The following ZDHHC18 variants were observed in gnomAD, a reference collection of about 807,000 sequenced individuals.
ZDHHC18 encodes the protein zDHHC palmitoyltransferase 18.
A neutral mutation model predicts 37.5 loss-of-function variants in ZDHHC18; 23 were observed. The ratio of observed to expected loss-of-function variants is 0.61; its 90% CI spans 0.44 to 0.87. ZDHHC18 has a LOEUF of 0.87. Among genes scored for constraint, ZDHHC18 ranks in the 40% least tolerant of loss-of-function variants. The pLI is 0.00. For missense variants in ZDHHC18, 406 were observed against 525.6 expected (o/e 0.77, Z 2.22); for synonymous variants, 185 against 218.7 (o/e 0.85, Z 1.36).
chr1:26,838,608 GTCA>G (rs1243673727), intron 2 of ZDHHC18, among the ~76,000 whole-genome samples: 3 of 152,212 alleles, frequency 2.0e-5, no homozygotes, highest in Admixed American at 6.5e-5. Context: ...CAAGGTTGAT[GTCA>G]TCATTACCCA....
chr1:26,850,710 A>C lies in ZDHHC18; in HGVS notation c.833+104A>C. 25 of 1,312,856 alleles carry C rather than the reference A, an allele frequency of 1.9e-5. No individual in the cohort carries two copies. Among genetic ancestry groups the C allele is most frequent in the South Asian group, 3.7e-5 (3 of 80,298 alleles). The allele number at this position is 1,312,856 out of a possible 1,614,324, so 81.3% of individuals were successfully genotyped here. A position where few individuals can be genotyped will look rare whatever the true frequency, so the allele number is the denominator to read the frequency against. On this transcript the variant is annotated intron_variant, in intron 5 of 7. Coordinates refer to ENST00000374142, the MANE Select transcript of ZDHHC18 (RefSeq NM_032283.3). The surrounding 1 kb of genome is among the most constrained non-coding windows in gnomAD (Gnocchi z 6.1). ...ATCAGAAGGGAACAGCGTACAGCTC[A>C]CATGTGTCCTCCAGAATCCAACATG...
chr1:26,850,664 G>T lies in ZDHHC18; in HGVS notation c.833+58G>T, dbSNP rs755558165. 1.9e-6 allele frequency: 3 copies of T among 1,595,330 alleles called. No homozygotes were observed. The African/African-American group carries it at 4.0e-5, about 21-fold the overall frequency. ...GGAACTGAGGTCCCTTCACTGGGTG[G>T]GTGCCCTGCCTCATCCTCTAATCAG... On this transcript the variant is annotated intron_variant, in intron 5 of 7. Transcript: ENST00000374142. This position sits in a 1 kb window ranked among gnomAD's most constrained non-coding sequence, Gnocchi z 6.1.
chr1:26,830,401 G>A (rs1054253711), intron 1 of ZDHHC18, among the ~76,000 whole-genome samples: 4 of 152,140 alleles, frequency 2.6e-5, no homozygotes, highest in Non-Finnish European at 5.9e-5. Flanking sequence ...AACTTCACAG[G>A]GTCCCAGTGA....
In ZDHHC18 at chr1:26,850,267, C is replaced by T; in HGVS notation, c.647-34C>T. ...ATGCCTGTGCTGGCTGCAGGCCAGC[C>T]CACACTAACCCATCGCCCCTTGCCC... On this transcript the variant is annotated intron_variant, in intron 3 of 7. Transcript: ENST00000374142. This position sits in a 1 kb window ranked among gnomAD's most constrained non-coding sequence, Gnocchi z 6.1. 6.2e-7 allele frequency: 1 copy of T among 1,609,174 alleles called. No homozygotes were observed. Among genetic ancestry groups the T allele is most frequent in the Non-Finnish European group, 8.5e-7 (1 of 1,177,858 alleles).
intron 2 of ZDHHC18, among the ~76,000 whole-genome samples, chr1:26,839,790 G>T (rs1344642571): frequency 6.6e-6 from 1 of 152,220 alleles, no homozygotes; most frequent in Non-Finnish European, 1.5e-5. Context: ...GCTGCCATCG[G>T]TAGTGGCTGC....
In ZDHHC18 at chr1:26,856,176, C is replaced by G; in HGVS notation, c.*2333C>G. On this transcript the variant is annotated 3_prime_UTR_variant, in exon 8 of 8. Transcript: ENST00000374142. The surrounding 1 kb of genome is among the most constrained non-coding windows in gnomAD (Gnocchi z 5.2). Reference sequence around the variant, plus strand: ...TAACACTGGCCCACCTCTCTGGTATCTCCCTCAGGAGGACACCTGTCAGGA... The same window carrying G: ...TAACACTGGCCCACCTCTCTGGTATGTCCCTCAGGAGGACACCTGTCAGGA... 2.2e-6 allele frequency: 1 copy of G among 453,772 alleles called. No homozygotes were observed. The highest frequency in any genetic ancestry group is 1.5e-5 in the South Asian group (1 of 64,522). 28.1% of individuals were successfully genotyped at this position (453,772 alleles called of 1,614,324 possible).
At chr1:26,841,555 T>C (rs1442925301) in intron 2 of ZDHHC18, among the ~76,000 whole-genome samples, 1 of 152,186 alleles carries the variant, frequency 6.6e-6, no homozygotes, top group African/African-American at 2.4e-5. Flanking sequence ...CTCCAAAGCC[T>C]ATGTCCAAGT....
chr1:26,851,250 AC>A lies in ZDHHC18; in HGVS notation c.936+23del, dbSNP rs1557645979. 2 of 1,611,668 alleles carry A rather than the reference AC, an allele frequency of 1.2e-6. No individual in the cohort carries two copies. The highest frequency in any genetic ancestry group is 1.7e-6 in the Non-Finnish European group (2 of 1,177,750). ...TGAAGACGTGAGTAAACCTGGAGCC[AC>A]CCCTCATTCTAGGGCAGCGCCCTCA... On this transcript the variant is annotated intron_variant, in intron 6 of 7. Coordinates refer to ENST00000374142, the MANE Select transcript of ZDHHC18 (RefSeq NM_032283.3).
At chr1:26,851,313 G>A in intron 6 of ZDHHC18, 82 bp downstream of exon 6, 2 of 1,334,106 alleles carry the variant, frequency 1.5e-6, no homozygotes, top group Non-Finnish European at 2.2e-6. Flanking sequence ...GGGCAGCCAA[G>A]CACAGTCCTG....
chr1:26,853,890 C>A lies in ZDHHC18; in HGVS notation c.*47C>A. 1.3e-6 allele frequency: 2 copies of A among 1,543,944 alleles called. No homozygotes were observed. Among genetic ancestry groups the A allele is most frequent in the Non-Finnish European group, 1.8e-6 (2 of 1,121,388 alleles). ...CTGCTGGCCTGTCTGACCCTCCGCA[C>A]TCACCTGCCGGGACCCTCCCTATTC... is the stretch of plus-strand genomic sequence containing the variant. On this transcript the variant is annotated 3_prime_UTR_variant, in exon 8 of 8. Transcript: ENST00000374142.
Position 26,852,817 on chromosome 1 carries a change from G to A in ZDHHC18, c.1001G>A (p.Ser334Asn), listed in dbSNP as rs1419598126. 1.2e-6 allele frequency: 2 copies of A among 1,614,000 alleles called. No individual in the cohort carries two copies. Among genetic ancestry groups the A allele is most frequent in the African/African-American group, 1.3e-5 (1 of 74,900 alleles). The change falls in exon 7 of 8, where the codon AGT becomes AAT. Residue 334 changes from serine (S) to asparagine (N), a missense_variant. Ser to Asn is a conservative substitution (Grantham distance 46). Coordinates refer to ENST00000374142, the MANE Select transcript of ZDHHC18 (RefSeq NM_032283.3). Reference protein sequence around the residue: ...EASVNPYSHKSIITNCCAVLC... With the variant: ...EASVNPYSHKNIITNCCAVLC... ...TCTGTCAACCCCTACAGCCATAAAA[G>A]TATTATCACCAACTGCTGTGCTGTG... is the stretch of plus-strand genomic sequence containing the variant.
In ZDHHC18 at chr1:26,829,297, C is replaced by G. The variant is rs2081573403; in HGVS notation, c.335+2158C>G. ...CTCCAGCAGGGCTCCCAACTTCTGC[C>G]TTACTTCTCGCCCCCACACAACAGC... On this transcript the variant is annotated intron_variant, in intron 1 of 7. Coordinates refer to ENST00000374142, the MANE Select transcript of ZDHHC18 (RefSeq NM_032283.3). Among the ~76,000 whole-genome samples, 3 of 152,124 alleles carry G rather than the reference C, an allele frequency of 2.0e-5. 1 individual carries two copies. In the South Asian group the frequency reaches 6.2e-4, roughly 31 times the overall value.
At chr1:26,833,638 G>T (rs1224712745) in intron 2 of ZDHHC18, among the ~76,000 whole-genome samples, 3 of 152,228 alleles carry the variant, frequency 2.0e-5, no homozygotes, top group Admixed American at 2.0e-4. Flanking sequence ...GGGGTGGCGG[G>T]GTACTGGGCC....
At chr1:26,848,559 C>A in intron 2 of ZDHHC18, 49 bp from the exon 3 acceptor site, 1 of 1,585,760 alleles carries the variant, frequency 6.3e-7, no homozygotes, top group Non-Finnish European at 8.6e-7. Context: ...GGGATCCGGG[C>A]CCTGGGCTGC....
At chr1:26,828,935 C>A (rs576593263) in intron 1 of ZDHHC18, among the ~76,000 whole-genome samples, 1 of 152,294 alleles carries the variant, frequency 6.6e-6, no homozygotes, top group African/African-American at 2.4e-5. Context: ...CCCACATGAC[C>A]CTGCAGTGTG....
intron 2 of ZDHHC18, among the ~76,000 whole-genome samples, chr1:26,838,984 C>T (rs1171446776): frequency 6.6e-6 from 1 of 152,262 alleles, no homozygotes; most frequent in African/African-American, 2.4e-5. Context: ...GCTGTTTCCT[C>T]TGCAGGTGAC....
chr1:26,832,273 A>G (rs937690337), intron 1 of ZDHHC18, among the ~76,000 whole-genome samples, 174 bp from the exon 2 acceptor site: 1 of 152,232 alleles, frequency 6.6e-6, no homozygotes, highest in Non-Finnish European at 1.5e-5. Context: ...TGTTCCCGGT[A>G]CTTATTGGGG....
At chr1:26,846,998 C>T (rs2081671919) in intron 2 of ZDHHC18, among the ~76,000 whole-genome samples, 3 of 151,626 alleles carry the variant, frequency 2.0e-5, no homozygotes, top group Admixed American at 6.6e-5. Flanking sequence ...CGGGTTCAAG[C>T]GATTCTCCTG....
At chr1:26,832,323 A>C (rs553383238) in intron 1 of ZDHHC18, 124 bp from the exon 2 acceptor site, 1 of 1,226,390 alleles carries the variant, frequency 8.2e-7, no homozygotes, top group East Asian at 2.3e-5. Context: ...TCTGCCTCAG[A>C]GCGAGGCTGT....
Sources: allele counts gnomAD v4.1 joint callset (sites outside exome capture counted in the v4.1 genomes callset), GRCh38; gene constraint gnomAD v4.1.1; non-coding constraint Gnocchi (gnomAD v3.1); transcripts MANE v1.5; gene names NCBI Gene and HGNC (gene_info 2026-07-23, HGNC 2026-07-21).